HTRA3: variants seen among roughly 807,000 people sequenced by gnomAD.
HTRA3 encodes HtrA serine peptidase 3.
A neutral mutation model predicts 43.2 loss-of-function variants in HTRA3; 41 were observed. That is an observed-to-expected ratio of 0.95 (90% CI 0.74 to 1.23). HTRA3 has a LOEUF of 1.23. Ranked by LOEUF, HTRA3 falls within the 50% of genes most tolerant of loss-of-function variation. The pLI, the probability that HTRA3 is intolerant of heterozygous loss-of-function variation, is 0.00. For synonymous variants in HTRA3, 295 were observed against 287.9 expected, an observed-to-expected ratio of 1.02 and a Z score of -0.25; for missense variants, 628 against 647.1, an observed-to-expected ratio of 0.97 and a Z score of 0.32.
In HTRA3 at chr4:8,306,215, AC is replaced by A. The variant is rs914843393; in HGVS notation, c.*81del. On this transcript the variant is annotated 3_prime_UTR_variant, in exon 9 of 9. Transcript: ENST00000307358. This position sits in a 1 kb window ranked among gnomAD's most constrained non-coding sequence, Gnocchi z 8.9. ...CGCCCCCCCGAGATCAGGACGAAGG[AC>A]CACCGTCGGTCCTCAGCAGGGCGGC... 2.0e-5 allele frequency: 28 copies of A among 1,428,508 alleles called. No individual in the cohort carries two copies. In the African/African-American group the frequency reaches 2.2e-4, roughly 11 times the overall value. 88.5% of individuals were successfully genotyped at this position (1,428,508 alleles called of 1,614,324 possible). A position where few individuals can be genotyped will look rare whatever the true frequency, so the allele number is the denominator to read the frequency against.
intron 6 of HTRA3, among the ~76,000 whole-genome samples, chr4:8,294,792 A>G (rs796156241): frequency 4.8e-4 from 44 of 92,324 alleles, no homozygotes; most frequent in South Asian, 7.7e-4. Context: ...CCATCCACCC[A>G]TCTATCCATC....
chr4:8,294,831 C>T (rs1326940277), intron 6 of HTRA3, among the ~76,000 whole-genome samples: 2 of 140,962 alleles, frequency 1.4e-5, no homozygotes, highest in African/African-American at 5.2e-5. Context: ...TTCATCCATT[C>T]ATCCATCCAT....
chr4:8,282,351 C>G, intron 1 of HTRA3, 86 bp from the exon 2 acceptor site: 1 of 1,055,738 alleles, frequency 9.5e-7, no homozygotes, highest in Non-Finnish European at 1.4e-6. Context: ...GGAAGAGCCT[C>G]CTCCTTCTGC....
At chr4:8,271,320 A>G (rs1396494043) in intron 1 of HTRA3, among the ~76,000 whole-genome samples, 1 of 152,188 alleles carries the variant, frequency 6.6e-6, no homozygotes, top group East Asian at 1.9e-4. Context: ...GTGGAGACTC[A>G]CAGGCTCAAT....
intron 4 of HTRA3, among the ~76,000 whole-genome samples, chr4:8,291,921 A>T (rs1713258914): frequency 6.6e-6 from 1 of 152,188 alleles, no homozygotes; most frequent in Non-Finnish European, 1.5e-5. Flanking sequence ...TTCACAAAGC[A>T]CTTCACCCAG....
intron 1 of HTRA3, among the ~76,000 whole-genome samples, chr4:8,281,854 G>C (rs879737414): frequency 2.4e-4 from 36 of 152,350 alleles, no homozygotes; most frequent in Middle Eastern, 3.4e-3. Flanking sequence ...CAGATGTAGG[G>C]CCCTGTGGAC....
chr4:8,296,027 C>G lies in HTRA3; in HGVS notation c.1051+1826C>G. ...AGGGGTGCACCCAGACCTGTCCTAGCATGCTCCTTTCCCTAATGACCGAGT... is the reference window on the plus strand; with the variant it reads ...AGGGGTGCACCCAGACCTGTCCTAGGATGCTCCTTTCCCTAATGACCGAGT... On this transcript the variant is annotated intron_variant, in intron 6 of 8. Transcript: ENST00000307358. This position sits in a 1 kb window ranked among gnomAD's most constrained non-coding sequence, Gnocchi z 5.3. The G allele has an allele frequency of 1.6e-5, 18 of 1,159,346 alleles. No homozygotes were observed. The highest frequency in any genetic ancestry group is 1.9e-5 in the Non-Finnish European group (18 of 941,838). 71.8% of individuals were successfully genotyped at this position (1,159,346 alleles called of 1,614,324 possible).
chr4:8,296,015 G>T lies in HTRA3; in HGVS notation c.1051+1814G>T. On this transcript the variant is annotated intron_variant, in intron 6 of 8. Transcript: ENST00000307358. This position sits in a 1 kb window ranked among gnomAD's most constrained non-coding sequence, Gnocchi z 5.3. ...AGAGCTAGATTCAGGGGTGCACCCA[G>T]ACCTGTCCTAGCATGCTCCTTTCCC... 1 of 1,174,564 alleles carries T rather than the reference G, an allele frequency of 8.5e-7. No individual in the cohort carries two copies. Among genetic ancestry groups the T allele is most frequent in the Non-Finnish European group, 1.1e-6 (1 of 951,508 alleles). The allele number at this position is 1,174,564 out of a possible 1,614,324, so 72.8% of individuals were successfully genotyped here.
In HTRA3 at chr4:8,296,298, C is replaced by G; in HGVS notation, c.1051+2097C>G. 1.0e-6 allele frequency: 1 copy of G among 985,532 alleles called. No individual in the cohort carries two copies. Among genetic ancestry groups the G allele is most frequent in the South Asian group, 4.7e-5 (1 of 21,290 alleles). 61.0% of individuals were successfully genotyped at this position (985,532 alleles called of 1,614,324 possible). On this transcript the variant is annotated intron_variant, in intron 6 of 8. Transcript: ENST00000307358. This position sits in a 1 kb window ranked among gnomAD's most constrained non-coding sequence, Gnocchi z 5.3. ...AGTGCTGACCTCATCCCAGAACCCC[C>G]TGGGAAATATCCCCTGTCCTCAGAG...
At chr4:8,273,619 G>A (rs1455654292) in intron 1 of HTRA3, among the ~76,000 whole-genome samples, 1 of 149,634 alleles carries the variant, frequency 6.7e-6, no homozygotes, top group East Asian at 2.0e-4. Context: ...GGTCTCTCCT[G>A]AGTTAGAGTC....
intron 3 of HTRA3, among the ~76,000 whole-genome samples, chr4:8,288,949 T>TCC (rs1560138887): frequency 8.5e-6 from 1 of 117,762 alleles, no homozygotes; most frequent in African/African-American, 3.6e-5. Context: ...TTCCTCCCCC[T>TCC]CTCTCTCTCT....
chr4:8,293,369 C>G (rs763715760), intron 5 of HTRA3, among the ~76,000 whole-genome samples: 1 of 152,186 alleles, frequency 6.6e-6, no homozygotes. Flanking sequence ...ATCTCACACT[C>G]GGATGCTCTT....
At chr4:8,287,019 G>T (rs1262331447) in intron 3 of HTRA3, among the ~76,000 whole-genome samples, 2 of 152,176 alleles carry the variant, frequency 1.3e-5, no homozygotes, top group African/African-American at 4.8e-5. Flanking sequence ...GGCAGAGCCA[G>T]GAAGCATGTG....
At chr4:8,278,183 ACAG>A (rs1335876990) in intron 1 of HTRA3, among the ~76,000 whole-genome samples, 3 of 152,096 alleles carry the variant, frequency 2.0e-5, no homozygotes, top group African/African-American at 7.2e-5. Flanking sequence ...AGGGTTGGCC[ACAG>A]TCCCCCAGGA....
intron 6 of HTRA3, 21 bp from the exon 7 acceptor site, chr4:8,302,442 C>A (rs1290912625): frequency 1.2e-6 from 2 of 1,613,578 alleles, no homozygotes; most frequent in East Asian, 4.5e-5. Context: ...CTAACGGAGT[C>A]TCGCCGTGTT....
chr4:8,293,510 C>A (rs4074438), intron 5 of HTRA3, among the ~76,000 whole-genome samples: 2 of 152,142 alleles, frequency 1.3e-5, no homozygotes, highest in African/African-American at 4.8e-5. Flanking sequence ...GGGGTATAAG[C>A]CAGGCTGTGG....
Position 8,297,224 on chromosome 4 carries a change from G to C in HTRA3, c.1051+3023G>C, listed in dbSNP as rs1421676662. On this transcript the variant is annotated intron_variant, in intron 6 of 8. Coordinates refer to ENST00000307358, the MANE Select transcript of HTRA3 (RefSeq NM_053044.5). This position sits in a 1 kb window ranked among gnomAD's most constrained non-coding sequence, Gnocchi z 5.8. ...CAGGAGCAGGACGGGCAGGGAGGCT[G>C]GTGGCCCCATACTTGGTGTGTGTTC... Among the ~76,000 whole-genome samples the C allele has an allele frequency of 3.9e-5, 6 of 151,966 alleles. No individual in the cohort carries two copies. Among genetic ancestry groups the C allele is most frequent in the Admixed American group, 3.9e-4 (6 of 15,256 alleles).
In HTRA3 at chr4:8,306,238, C is replaced by T. The variant is rs555811848; in HGVS notation, c.*102C>T. The T allele has an allele frequency of 5.7e-3, 7,190 of 1,255,672 alleles. 34 individuals are homozygous for T. Among genetic ancestry groups the T allele is most frequent in the South Asian group, 6.8e-3 (437 of 64,232 alleles). 77.8% of individuals were successfully genotyped at this position (1,255,672 alleles called of 1,614,324 possible). On this transcript the variant is annotated 3_prime_UTR_variant, in exon 9 of 9. Coordinates refer to ENST00000307358, the MANE Select transcript of HTRA3 (RefSeq NM_053044.5). The surrounding 1 kb of genome is among the most constrained non-coding windows in gnomAD (Gnocchi z 8.9). ...GGACCACCGTCGGTCCTCAGCAGGG[C>T]GGCAGCCTCCTCCTGGCTGTCCGGG...
intron 3 of HTRA3, among the ~76,000 whole-genome samples, chr4:8,288,910 C>T (rs1713109348): frequency 1.4e-5 from 2 of 146,754 alleles, no homozygotes; most frequent in Admixed American, 6.8e-5. Context: ...TCCTTCCTTC[C>T]TTCCTTCCTT....
Sources: allele counts gnomAD v4.1 joint callset (sites outside exome capture counted in the v4.1 genomes callset), GRCh38; gene constraint gnomAD v4.1.1; non-coding constraint Gnocchi (gnomAD v3.1); transcripts MANE v1.5; gene names NCBI Gene and HGNC (gene_info 2026-07-23, HGNC 2026-07-21).